ABCF1: variants seen among roughly 807,000 people sequenced by gnomAD.
ABCF1 encodes ATP binding cassette subfamily F member 1.
Under a neutral mutation model 126.3 loss-of-function variants are expected in ABCF1, and 73 were observed. The ratio of observed to expected loss-of-function variants is 0.58; its 90% confidence interval spans 0.48 to 0.70. The LOEUF is 0.70. ABCF1 is among the 30% of genes least tolerant of loss of function. The pLI is 0.00. For missense variants in ABCF1, 786 were observed against 1,057.5 expected (o/e 0.74, Z 3.56); for synonymous variants, 345 against 396.4 (o/e 0.87, Z 1.54).
In ABCF1 at chr6:30,585,325, C is replaced by CT; in HGVS notation, c.1458dup (p.Val487CysfsTer5). The CT allele has an allele frequency of 6.2e-7, 1 of 1,613,496 alleles. No homozygotes were observed. The highest frequency in any genetic ancestry group is 8.5e-7 in the Non-Finnish European group (1 of 1,179,892). On this transcript the variant is annotated frameshift_variant, in exon 15 of 25. Coordinates refer to ENST00000326195, the MANE Select transcript of ABCF1 (RefSeq NM_001025091.2). LOFTEE classifies it high-confidence loss of function. ...CCCACCAACCACCTGGACCTCAACG[C>CT]TGTCATCTGGCTTAATAAGTGCGTT...
intron 1 of ABCF1, among the ~76,000 whole-genome samples, chr6:30,573,819 C>A (rs965287693): frequency 6.6e-6 from 1 of 152,120 alleles, no homozygotes; most frequent in African/African-American, 2.4e-5. Flanking sequence ...GGAGATGATA[C>A]CAGATTGCAG....
chr6:30,582,327 A>AT lies in ABCF1; in HGVS notation c.679-65dup, dbSNP rs1050842525. On this transcript the variant is annotated intron_variant, in intron 8 of 24. Coordinates refer to ENST00000326195, the MANE Select transcript of ABCF1 (RefSeq NM_001025091.2). The stretch of plus-strand genomic sequence containing the variant: ...CGCTTTGGCTTCCCAAAGTGCTGGG[A>AT]TTACAGGCGTGAGCCACCGCGCCCA... The AT allele has an allele frequency of 2.9e-5, 29 of 988,388 alleles. No individual in the cohort carries two copies. In the African/African-American group the frequency reaches 3.4e-4, roughly 12 times the overall value. 61.2% of individuals were successfully genotyped at this position (988,388 alleles called of 1,614,324 possible).
intron 14 of ABCF1, 109 bp from the exon 15 acceptor site, chr6:30,585,151 T>C: frequency 1.0e-6 from 1 of 975,506 alleles, no homozygotes; most frequent in Non-Finnish European, 1.7e-6. Flanking sequence ...TGAGGAGAGC[T>C]TGGGAAGGAG....
In ABCF1 at chr6:30,586,848, G is replaced by T. The variant is rs1369943357; in HGVS notation, c.2031+137G>T. ...CATGATAGATGATTCATTTCCCTAA[G>T]AGGGGCAGTAGAGGAGGAAAGAGCT... On this transcript the variant is annotated intron_variant, in intron 20 of 24. Coordinates refer to ENST00000326195, the MANE Select transcript of ABCF1 (RefSeq NM_001025091.2). This position sits in a 1 kb window ranked among gnomAD's most constrained non-coding sequence, Gnocchi z 4.9. The T allele has an allele frequency of 1.0e-6, 1 of 973,732 alleles. No homozygotes were observed. Among genetic ancestry groups the T allele is most frequent in the African/African-American group, 1.6e-5 (1 of 61,794 alleles). The allele number at this position is 973,732 out of a possible 1,614,324, so 60.3% of individuals were successfully genotyped here. A position where few individuals can be genotyped will look rare whatever the true frequency, so the allele number is the denominator to read the frequency against.
chr6:30,590,316 C>G lies in ABCF1; in HGVS notation c.2309C>G (p.Thr770Ser), dbSNP rs1802379055. 1 of 1,611,938 alleles carries G rather than the reference C, an allele frequency of 6.2e-7. No homozygotes were observed. The highest frequency in any genetic ancestry group is 1.7e-5 in the Admixed American group (1 of 59,920). The change falls in exon 24 of 25, where the codon ACC becomes AGC. Residue 770 changes from threonine to serine, a missense_variant. By Grantham distance (58) the Thr-to-Ser change is moderately conservative. Around this residue, in one of 4 missense-constraint regions of ABCF1, gnomAD observed 288 missense variants for 423.5 expected, o/e 0.68. Transcript: ENST00000326195. ...EPDVLILDEPTNNLDIESIDA... is the reference protein window; with the variant it reads ...EPDVLILDEPSNNLDIESIDA... The stretch of plus-strand genomic sequence containing the variant: ...ATTCCTCCTATGTAGGACGAGCCAA[C>G]CAATAACCTGGACATAGAGTCTATT...
At chr6:30,571,868 C>A (rs1801267706) in intron 1 of ABCF1, among the ~76,000 whole-genome samples, 1 of 152,040 alleles carries the variant, frequency 6.6e-6, no homozygotes, top group Non-Finnish European at 1.5e-5. Context: ...GACATCCGCC[C>A]CACCATACAC....
At chr6:30,588,384 C>T (rs1440855949) in intron 20 of ABCF1, among the ~76,000 whole-genome samples, 1 of 150,838 alleles carries the variant, frequency 6.6e-6, no homozygotes, top group Non-Finnish European at 1.5e-5. Context: ...TTTTTTGAGA[C>T]AGAGTCTCAC....
chr6:30,585,383 CT>C, intron 15 of ABCF1, 40 bp downstream of exon 15: 3 of 1,599,798 alleles, frequency 1.9e-6, no homozygotes, highest in Non-Finnish European at 2.6e-6. Flanking sequence ...CCATTCTGCA[CT>C]TTCTTCCCCT....
chr6:30,590,792 T>A lies in ABCF1; in HGVS notation c.*91T>A. On this transcript the variant is annotated 3_prime_UTR_variant, in exon 25 of 25. Transcript: ENST00000326195. ...CCTCCTCTGAAGACTGCCTCTGGCC[T>A]GCAGCTGACCTGGCAACCATTCAGG... is the stretch of plus-strand genomic sequence containing the variant. The A allele has an allele frequency of 7.0e-7, 1 of 1,428,864 alleles. No individual in the cohort carries two copies. The highest frequency in any genetic ancestry group is 9.4e-7 in the Non-Finnish European group (1 of 1,060,456). 88.5% of individuals were successfully genotyped at this position (1,428,864 alleles called of 1,614,324 possible). A position where few individuals can be genotyped will look rare whatever the true frequency, so the allele number is the denominator to read the frequency against.
Position 30,590,601 on chromosome 6 carries a change from A to G in ABCF1, c.2438A>G (p.Glu813Gly). ...ACCAATTGCCAGCTGTGGGTGGTGG[A>G]GGAGCAGAGTGTTAGCCAAATCGAT... The part of the protein sequence containing the change: ...TETNCQLWVV[E>G]EQSVSQIDGD... Residue 813 changes from glutamate (E) to glycine (G), a missense_variant, in exon 25 of 25, where the codon GAG becomes GGG. By Grantham distance (98) the Glu-to-Gly change is moderately conservative (BLOSUM62 -2). Around this residue, in one of 4 missense-constraint regions of ABCF1, gnomAD observed 288 missense variants for 423.5 expected, o/e 0.68. Transcript: ENST00000326195. 6.2e-7 allele frequency: 1 copy of G among 1,613,032 alleles called. No homozygotes were observed. The highest frequency in any genetic ancestry group is 1.1e-5 in the South Asian group (1 of 91,080).
chr6:30,585,871 T>G lies in ABCF1; in HGVS notation c.1601-8T>G, dbSNP rs779588760. On this transcript the variant is annotated splice_polypyrimidine_tract_variant and splice_region_variant and intron_variant, in intron 16 of 24. Coordinates refer to ENST00000326195, the MANE Select transcript of ABCF1 (RefSeq NM_001025091.2). ...ACCACTGATGCCTGGTCCCCTCTTCTGCCCCAGTGACCTTCAAAAAGATGT... is the reference window on the plus strand; with the variant it reads ...ACCACTGATGCCTGGTCCCCTCTTCGGCCCCAGTGACCTTCAAAAAGATGT... 2 of 1,596,862 alleles carry G rather than the reference T, an allele frequency of 1.3e-6. No individual in the cohort carries two copies. The highest frequency in any genetic ancestry group is 1.7e-4 in the Middle Eastern group (1 of 6,030).
Position 30,574,574 on chromosome 6 carries a change from T to A in ABCF1, c.74-2835T>A, listed in dbSNP as rs1186945427. On this transcript the variant is annotated intron_variant, in intron 1 of 24. Coordinates refer to ENST00000326195, the MANE Select transcript of ABCF1 (RefSeq NM_001025091.2). This position sits in a 1 kb window ranked among gnomAD's most constrained non-coding sequence, Gnocchi z 4.3. ...TTTCCTTCTTAGGTACTTCAGTAGA[T>A]CCTTCCTCCTAATGCCTTTAGGATT... 3.3e-5 allele frequency among the ~76,000 whole-genome samples: 5 copies of A among 152,246 alleles called. No homozygotes were observed. Among genetic ancestry groups the A allele is most frequent in the Non-Finnish European group, 7.3e-5 (5 of 68,040 alleles).
Position 30,585,988 on chromosome 6 carries a change from G to A in ABCF1, c.1710G>A (p.Gln570=), listed in dbSNP as rs1802098573. 1 of 1,608,352 alleles carries A rather than the reference G, an allele frequency of 6.2e-7. No homozygotes were observed. The highest frequency in any genetic ancestry group is 8.5e-7 in the Non-Finnish European group (1 of 1,177,016). ...ELKAGGKSTK[Q]AEKQTKEALT... ...AGGCAGGCGGGAAGTCCACCAAGCAGGCGGTGAGCACCTGAGGGACTTCTG... is the reference window on the plus strand; with the variant it reads ...AGGCAGGCGGGAAGTCCACCAAGCAAGCGGTGAGCACCTGAGGGACTTCTG... Residue 570 remains glutamine, a synonymous_variant, in exon 17 of 25, where the codon CAG becomes CAA. Transcript: ENST00000326195.
intron 8 of ABCF1, among the ~76,000 whole-genome samples, chr6:30,580,729 A>G (rs1801774599): frequency 6.6e-6 from 1 of 152,076 alleles, no homozygotes; most frequent in South Asian, 2.1e-4. Flanking sequence ...GCTGGAGTGC[A>G]GTGGTGTGAA....
chr6:30,585,988 G>C lies in ABCF1; in HGVS notation c.1710G>C (p.Gln570His). The change falls in exon 17 of 25, where the codon CAG (glutamine) becomes CAC (histidine). Residue 570 changes from glutamine (Q) to histidine (H), a missense_variant. Coordinates refer to ENST00000326195, the MANE Select transcript of ABCF1 (RefSeq NM_001025091.2). Reference protein sequence around the residue: ...ELKAGGKSTKQAEKQTKEALT... With the variant: ...ELKAGGKSTKHAEKQTKEALT... ...AGGCAGGCGGGAAGTCCACCAAGCAGGCGGTGAGCACCTGAGGGACTTCTG... is the reference window on the plus strand; with the variant it reads ...AGGCAGGCGGGAAGTCCACCAAGCACGCGGTGAGCACCTGAGGGACTTCTG... 1 of 1,608,470 alleles carries C rather than the reference G, an allele frequency of 6.2e-7. No individual in the cohort carries two copies. Among genetic ancestry groups the C allele is most frequent in the Non-Finnish European group, 8.5e-7 (1 of 1,177,008 alleles).
At chr6:30,577,673 A>G in intron 2 of ABCF1, 145 bp from the exon 3 acceptor site, 8 of 966,228 alleles carry the variant, frequency 8.3e-6, no homozygotes, top group Non-Finnish European at 1.3e-5. Flanking sequence ...TGCACACTCC[A>G]TTCTCCACAA....
chr6:30,585,954 A>G lies in ABCF1; in HGVS notation c.1676A>G (p.Lys559Arg). Residue 559 changes from lysine to arginine, a missense_variant, in exon 17 of 25, where the codon AAG becomes AGG. Lys to Arg is a conservative substitution (Grantham distance 26). Coordinates refer to ENST00000326195, the MANE Select transcript of ABCF1 (RefSeq NM_001025091.2). ...TATGAGAAGCAAGAGAAAAAGCTGAAGGAGCTGAAGGCAGGCGGGAAGTCC... is the reference window on the plus strand; with the variant it reads ...TATGAGAAGCAAGAGAAAAAGCTGAGGGAGCTGAAGGCAGGCGGGAAGTCC... Reference protein sequence around the residue: ...KQYEKQEKKLKELKAGGKSTK... With the variant: ...KQYEKQEKKLRELKAGGKSTK... 6.2e-7 allele frequency: 1 copy of G among 1,611,010 alleles called. No homozygotes were observed.
At chr6:30,589,613 A>AT in intron 20 of ABCF1, 75 bp from the exon 21 acceptor site, 1 of 1,546,498 alleles carries the variant, frequency 6.5e-7, no homozygotes, top group Non-Finnish European at 8.8e-7. Context: ...AAAAAAAAAA[A>AT]AAAAAAGTTG....
At position 30,578,334 on chromosome 6, in the gene ABCF1, C is replaced by G. The variant is rs1359244049; in HGVS notation, c.344-14C>G. ...AATTCTTTCCTATCTCATGTTCTCC[C>G]CCTGTCATTTCAGTACCCGCCCCAA... is the stretch of plus-strand genomic sequence containing the variant. On this transcript the variant is annotated splice_polypyrimidine_tract_variant and intron_variant, in intron 4 of 24. Coordinates refer to ENST00000326195, the MANE Select transcript of ABCF1 (RefSeq NM_001025091.2). The G allele has an allele frequency of 6.2e-7, 1 of 1,614,026 alleles. No individual in the cohort carries two copies. The highest frequency in any genetic ancestry group is 1.7e-5 in the Admixed American group (1 of 59,994).
Sources: gnomAD v4.1 joint callset for allele counts (sites outside exome capture counted in the v4.1 genomes callset) on GRCh38, gnomAD v4.1.1 for gene constraint, gnomAD v4.1.1 regional missense constraint, Gnocchi (gnomAD v3.1) non-coding constraint, MANE v1.5 for transcripts, NCBI Gene and HGNC (gene_info 2026-07-23, HGNC 2026-07-21) for gene names.